FSTL4: variants seen among roughly 807,000 people sequenced by gnomAD.
The protein encoded by FSTL4 is follistatin-related protein 4.
Under a neutral mutation model 78.2 loss-of-function variants are expected in FSTL4, and 28 were observed. The observed-to-expected ratio is 0.36, with a 90% CI of 0.27 to 0.49. FSTL4 has a LOEUF of 0.49. Ranked by LOEUF, FSTL4 falls within the 20% of genes least tolerant of loss-of-function variation. The probability of loss-of-function intolerance (pLI) is 0.98; values close to 1 mark genes in which losing one functional copy is unlikely to be tolerated. For synonymous variants in FSTL4, 422 were observed against 440.5 expected (o/e 0.96, Z 0.53); for missense variants, 922 against 1,084.9 (o/e 0.85, Z 2.11).
the FSTL4 span, among the ~76,000 whole-genome samples, chr5:133,669,730 A>C: frequency 1.6e-4 from 25 of 152,212 alleles, no homozygotes; most frequent in Non-Finnish European, 2.6e-4. Flanking sequence ...GGAGTCAATA[A>C]TTCTGAGGCT....
the FSTL4 span, among the ~76,000 whole-genome samples, chr5:133,701,468 A>AACACACACACACACACACACACAC: frequency 2.3e-5 from 3 of 129,088 alleles, no homozygotes; most frequent in East Asian, 2.4e-4. Flanking sequence ...AAGACACAGA[A>AACACACACACACACACACACACAC]ACACACACAC....
At chr5:133,391,415 C>T (rs1308936397) in intron 4 of FSTL4, among the ~76,000 whole-genome samples, 1 of 152,144 alleles carries the variant, frequency 6.6e-6, no homozygotes, top group Non-Finnish European at 1.5e-5. Flanking sequence ...CCCTCCTGTC[C>T]ACACAGGGCC....
intron 6 of FSTL4, among the ~76,000 whole-genome samples, chr5:133,267,261 T>C (rs2126842423): frequency 1.3e-5 from 2 of 152,256 alleles, no homozygotes; most frequent in South Asian, 4.1e-4. Context: ...ACACCTGCCA[T>C]CTGAAAGCTG....
At chr5:133,393,851 C>T (rs1755924073) in intron 4 of FSTL4, among the ~76,000 whole-genome samples, 1 of 152,268 alleles carries the variant, frequency 6.6e-6, no homozygotes, top group African/African-American at 2.4e-5. Flanking sequence ...GTGCAGCTGG[C>T]TTCTTAATGA....
the FSTL4 span, among the ~76,000 whole-genome samples, chr5:133,808,910 T>C: frequency 1.8e-5 from 2 of 108,626 alleles, no homozygotes; most frequent in African/African-American, 3.6e-5. Context: ...ACCTGGAAAA[T>C]AGAATAGAAA....
the FSTL4 span, among the ~76,000 whole-genome samples, chr5:133,660,287 G>T: frequency 6.6e-6 from 1 of 152,158 alleles, no homozygotes; most frequent in Admixed American, 6.5e-5. Flanking sequence ...AGCTTAAAAA[G>T]CAATTACAAC....
intron 6 of FSTL4, among the ~76,000 whole-genome samples, chr5:133,276,193 G>C: frequency 6.6e-6 from 1 of 152,196 alleles, no homozygotes; most frequent in Non-Finnish European, 1.5e-5. Flanking sequence ...TACATCTCTT[G>C]TCCCCCAGGG....
chr5:133,579,413 G>A (rs1212962586), intron 2 of FSTL4, among the ~76,000 whole-genome samples: 1 of 152,180 alleles, frequency 6.6e-6, no homozygotes. Context: ...GACAGCCTGT[G>A]ATGCGTTCCT....
intron 7 of FSTL4, chr5:133,246,725 T>C (rs1036869216): frequency 6.6e-6 from 1 of 152,182 alleles, no homozygotes; most frequent in Non-Finnish European, 1.5e-5. Flanking sequence ...GCTGGCTGCT[T>C]GGTGGGGACT....
chr5:133,784,588 G>C, the FSTL4 span, among the ~76,000 whole-genome samples: 1 of 152,270 alleles, frequency 6.6e-6, no homozygotes, highest in African/African-American at 2.4e-5. Context: ...GGCAGAGCAG[G>C]GATATGATCT....
At chr5:133,491,138 T>G (rs537690617) in intron 3 of FSTL4, among the ~76,000 whole-genome samples, 1 of 152,346 alleles carries the variant, frequency 6.6e-6, no homozygotes, top group South Asian at 2.1e-4. Flanking sequence ...TTGTTTTTAA[T>G]AAATTTTTGT....
chr5:133,395,801 T>C (rs988270351), intron 4 of FSTL4, among the ~76,000 whole-genome samples: 6 of 152,132 alleles, frequency 3.9e-5, no homozygotes, highest in Admixed American at 3.3e-4. Context: ...AGGTCCCCTC[T>C]CCTCCAGCAC....
At chr5:133,241,141 G>A (rs926788700) in intron 7 of FSTL4, among the ~76,000 whole-genome samples, 4 of 152,248 alleles carry the variant, frequency 2.6e-5, no homozygotes, top group Non-Finnish European at 5.9e-5. Context: ...GAGATTCCAC[G>A]TTTAGAGCCC....
the FSTL4 span, among the ~76,000 whole-genome samples, chr5:133,763,198 A>G: frequency 2.0e-5 from 3 of 152,252 alleles, no homozygotes; most frequent in African/African-American, 7.2e-5. Context: ...CATGCCCAAT[A>G]GCCCTTGTAG....
chr5:133,638,173 C>T, the FSTL4 span, among the ~76,000 whole-genome samples: 1 of 151,876 alleles, frequency 6.6e-6, no homozygotes, highest in Non-Finnish European at 1.5e-5. Flanking sequence ...CTCCACTTTC[C>T]CAATATAGCC....
At chr5:133,517,307 C>T (rs1360333458) in intron 3 of FSTL4, among the ~76,000 whole-genome samples, 1 of 147,334 alleles carries the variant, frequency 6.8e-6, no homozygotes, top group Non-Finnish European at 1.5e-5. Flanking sequence ...CCTATATTCC[C>T]AGCTACTCAG....
intron 3 of FSTL4, among the ~76,000 whole-genome samples, chr5:133,507,627 A>C (rs903830978): frequency 1.3e-5 from 2 of 149,112 alleles, no homozygotes; most frequent in African/African-American, 5.0e-5. Flanking sequence ...GGTTCAAGAG[A>C]CTCTCCTGCC....
intron 6 of FSTL4, among the ~76,000 whole-genome samples, chr5:133,305,363 C>T (rs1753632611): frequency 6.6e-6 from 1 of 152,302 alleles, no homozygotes; most frequent in East Asian, 1.9e-4. Flanking sequence ...ACTGTGGTGG[C>T]GGCCTTTCTA....
rs1249643400 is a variant in FSTL4 at position 133,493,715 on chromosome 5, C to T, written c.160+73471G>A. Among the ~76,000 whole-genome samples the T allele has an allele frequency of 3.9e-5, 6 of 152,144 alleles. No individual in the cohort carries two copies. In the East Asian group the frequency reaches 5.8e-4, roughly 15 times the overall value. On this transcript the variant is annotated intron_variant, in intron 3 of 15. Transcript: ENST00000265342. ...CATTGGCTTGCTCACTCGTCACTGC[C>T]TTTGAGAGTGGTTTGTTCATTTTTG...
Sources: allele counts gnomAD v4.1 joint callset (sites outside exome capture counted in the v4.1 genomes callset), GRCh38; gene constraint gnomAD v4.1.1; transcripts MANE v1.5; gene names NCBI Gene and HGNC (gene_info 2026-07-23, HGNC 2026-07-21).